Variants in PLXNA4 observed in about 807,000 individuals in gnomAD.
PLXNA4 encodes the protein plexin-A4.
In PLXNA4, 44 loss-of-function variants were observed where a neutral mutation model predicts 191.8. The observed-to-expected ratio is 0.23, with a 90% CI of 0.18 to 0.29. The LOEUF (loss-of-function observed/expected upper bound fraction) is 0.29. Among genes scored for constraint, PLXNA4 ranks in the 10% least tolerant of loss-of-function variants. The pLI is 1.00. For missense variants in PLXNA4, 1,800 were observed against 2,488.8 expected, an observed-to-expected ratio of 0.72 and a Z score of 5.89; for synonymous variants, 1,082 against 1,009.5, an observed-to-expected ratio of 1.07 and a Z score of -1.36.
chr7:132,469,539 C>T (rs1176403965), intron 3 of PLXNA4, among the ~76,000 whole-genome samples: 1 of 152,230 alleles, frequency 6.6e-6, no homozygotes, highest in African/African-American at 2.4e-5. Context: ...TGAAGACTGA[C>T]TTTCAATAAT....
chr7:132,550,380 C>CA (rs951922868), intron 1 of PLXNA4, among the ~76,000 whole-genome samples: 4 of 152,014 alleles, frequency 2.6e-5, no homozygotes, highest in Non-Finnish European at 5.9e-5. Flanking sequence ...CTTGATCCAT[C>CA]AAAAAAAGTT....
intron 3 of PLXNA4, among the ~76,000 whole-genome samples, chr7:132,358,562 G>T (rs775454453): frequency 1.3e-5 from 2 of 152,150 alleles, no homozygotes. Flanking sequence ...GGGTATGGCC[G>T]TTTAGAGGTT....
At chr7:132,566,305 C>T (rs1801721686) in intron 1 of PLXNA4, among the ~76,000 whole-genome samples, 1 of 150,962 alleles carries the variant, frequency 6.6e-6, no homozygotes, top group Admixed American at 6.6e-5. Flanking sequence ...CTCTCTCTCT[C>T]ACACACACAC....
At chr7:132,416,162 G>A (rs1053221175) in intron 3 of PLXNA4, among the ~76,000 whole-genome samples, 2 of 152,170 alleles carry the variant, frequency 1.3e-5, no homozygotes, top group Non-Finnish European at 2.9e-5. Context: ...ACTGGTTAGA[G>A]GATAAGGCTA....
At chr7:132,189,000 G>GGAAA (rs1796988049) in intron 14 of PLXNA4, among the ~76,000 whole-genome samples, 17 of 14,740 alleles carry the variant, frequency 1.2e-3, no homozygotes, top group East Asian at 8.1e-3. Context: ...AAAGGAGAGA[G>GGAAA]AGAGAGAGAG....
At chr7:132,464,767 A>G (rs1796637401) in intron 3 of PLXNA4, among the ~76,000 whole-genome samples, 1 of 152,222 alleles carries the variant, frequency 6.6e-6, no homozygotes, top group South Asian at 2.1e-4. Flanking sequence ...GCAGGACTAA[A>G]GGATGCCAGT....
At chr7:132,611,624 G>C (rs913142356) in intron 2 of PLXNA4, among the ~76,000 whole-genome samples, 1 of 152,190 alleles carries the variant, frequency 6.6e-6, no homozygotes, top group African/African-American at 2.4e-5. Context: ...TGGAAGATGG[G>C]CTACACACAA....
intron 4 of PLXNA4, among the ~76,000 whole-genome samples, chr7:132,283,147 A>T (rs766212519): frequency 1.3e-5 from 2 of 152,192 alleles, no homozygotes; most frequent in Non-Finnish European, 2.9e-5. Context: ...CTAGGATTAC[A>T]GGCATGAGCC....
chr7:132,485,784 T>C (rs58820201), intron 3 of PLXNA4, among the ~76,000 whole-genome samples: 8,509 of 152,254 alleles, frequency 0.056, 459 homozygotes, highest in African/African-American at 0.14. Flanking sequence ...CAATACCATC[T>C]GCAACACACA....
chr7:132,557,995 G>C (rs761823826), intron 1 of PLXNA4, among the ~76,000 whole-genome samples: 1 of 152,202 alleles, frequency 6.6e-6, no homozygotes, highest in Non-Finnish European at 1.5e-5. Context: ...CTGCAAATGT[G>C]TCTAAGACAA....
chr7:132,258,013 G>A (rs1379117138), intron 4 of PLXNA4, among the ~76,000 whole-genome samples: 2 of 152,230 alleles, frequency 1.3e-5, no homozygotes, highest in Non-Finnish European at 2.9e-5. Context: ...GGTGTAGCTG[G>A]AAAAGGGTCA....
At chr7:132,136,791 C>T (rs1444819974) in intron 30 of PLXNA4, among the ~76,000 whole-genome samples, 1 of 152,214 alleles carries the variant, frequency 6.6e-6, no homozygotes, top group Non-Finnish European at 1.5e-5. Flanking sequence ...CCTCCACACA[C>T]CTCGAGGATG....
chr7:132,594,211 A>C (rs1248745345), intron 2 of PLXNA4, among the ~76,000 whole-genome samples: 1 of 152,240 alleles, frequency 6.6e-6, no homozygotes, highest in Admixed American at 6.5e-5. Flanking sequence ...CTAATCCAAC[A>C]TGACCGGTGT....
chr7:132,317,162 G>A lies in PLXNA4; in HGVS notation c.1372-18940C>T, dbSNP rs1257447792. 3.3e-5 allele frequency among the ~76,000 whole-genome samples: 5 copies of A among 151,978 alleles called. No individual in the cohort carries two copies. In the East Asian group the frequency reaches 7.7e-4, roughly 24 times the overall value. On this transcript the variant is annotated intron_variant, in intron 3 of 31. Coordinates refer to ENST00000321063, the MANE Select transcript of PLXNA4 (RefSeq NM_020911.2). ...GTTGTGTTGAATTGAATTGGGCTGG[G>A]TTCAGTTAAGTTTGTGTTGGATTAA... is the stretch of plus-strand genomic sequence containing the variant.
intron 3 of PLXNA4, among the ~76,000 whole-genome samples, chr7:132,365,698 A>C (rs1231643494): frequency 6.6e-6 from 1 of 152,226 alleles, no homozygotes. Flanking sequence ...GAAGACAGGC[A>C]TCAGCAAGTA....
intron 22 of PLXNA4, among the ~76,000 whole-genome samples, chr7:132,167,553 G>A (rs1796158305): frequency 6.6e-6 from 1 of 151,776 alleles, no homozygotes. Context: ...TTTTTTTTTA[G>A]CGACAGGGTC....
At chr7:132,465,096 C>A (rs771891363) in intron 3 of PLXNA4, among the ~76,000 whole-genome samples, 1 of 152,192 alleles carries the variant, frequency 6.6e-6, no homozygotes, top group East Asian at 1.9e-4. Flanking sequence ...TTCATTCCCT[C>A]CACCACTTGC....
At chr7:132,483,144 A>G (rs924716916) in intron 3 of PLXNA4, among the ~76,000 whole-genome samples, 1 of 152,118 alleles carries the variant, frequency 6.6e-6, no homozygotes, top group African/African-American at 2.4e-5. Context: ...GCAGACCCCA[A>G]ATCAGAACAT....
intron 4 of PLXNA4, among the ~76,000 whole-genome samples, chr7:132,247,604 C>T (rs1341592290): frequency 1.3e-5 from 2 of 152,164 alleles, no homozygotes; most frequent in African/African-American, 4.8e-5. Flanking sequence ...ACACATGGGT[C>T]TTAGTGGCAT....
Sources: gnomAD v4.1 joint callset for allele counts (sites outside exome capture counted in the v4.1 genomes callset) on GRCh38, gnomAD v4.1.1 for gene constraint, MANE v1.5 for transcripts, NCBI Gene and HGNC (gene_info 2026-07-23, HGNC 2026-07-21) for gene names.